The following PDE1A variants were observed in gnomAD, a reference collection of about 807,000 sequenced individuals.
The protein encoded by PDE1A is phosphodiesterase 1A, also known as dual specificity calcium/calmodulin-dependent 3',5'-cyclic nucleotide phosphodiesterase 1A.
PDE1A carries 35 observed loss-of-function variants against 61.7 expected under a neutral mutation model. The observed-to-expected ratio is 0.57, with a 90% confidence interval of 0.43 to 0.75. PDE1A has a LOEUF of 0.75. PDE1A is among the 30% of genes least tolerant of loss of function. PDE1A has a pLI of 0.00. For synonymous variants in PDE1A, 232 were observed against 213.2 expected (o/e 1.09, Z -0.77); for missense variants, 597 against 630.6 (o/e 0.95, Z 0.57).
chr2:182,488,234 A>G (rs1463719317), intron 2 of PDE1A, among the ~76,000 whole-genome samples: 1 of 152,246 alleles, frequency 6.6e-6, no homozygotes, highest in Non-Finnish European at 1.5e-5. Flanking sequence ...TGTCAATATT[A>G]AAATGTGATT....
chr2:182,488,363 T>C (rs1239477337), intron 2 of PDE1A, among the ~76,000 whole-genome samples: 1 of 152,200 alleles, frequency 6.6e-6, no homozygotes, highest in Admixed American at 6.5e-5. Flanking sequence ...ACCTTCTGAA[T>C]ACACTGACTC....
chr2:182,546,604 G>C, the PDE1A span, among the ~76,000 whole-genome samples: 1 of 152,168 alleles, frequency 6.6e-6, no homozygotes, highest in Non-Finnish European at 1.5e-5. Context: ...GTGAGGAGTG[G>C]TTCTCATCCA....
intron 13 of PDE1A, among the ~76,000 whole-genome samples, chr2:182,176,016 AG>A (rs1174010254): frequency 6.7e-6 from 1 of 148,468 alleles, no homozygotes; most frequent in Non-Finnish European, 1.5e-5. Flanking sequence ...GTTATTTCTG[AG>A]GGCTGTGTTC....
chr2:182,436,972 A>G (rs188191222), intron 2 of PDE1A, among the ~76,000 whole-genome samples: 1,571 of 152,078 alleles, frequency 0.01, 13 homozygotes, highest in Middle Eastern at 0.017. Context: ...ATTCTCTGAT[A>G]ATTTAAATTA....
intron 7 of PDE1A, among the ~76,000 whole-genome samples, chr2:182,218,275 C>G (rs12615015): frequency 0.72 from 78,232 of 109,122 alleles, 27,673 homozygotes; most frequent in East Asian, 0.9. Context: ...GTTGTGGGGT[C>G]GGGGGAGGGG....
chr2:182,586,742 A>G, the PDE1A span, among the ~76,000 whole-genome samples: 38 of 152,198 alleles, frequency 2.5e-4, no homozygotes, highest in Non-Finnish European at 5.1e-4. Flanking sequence ...GGCAAGATCA[A>G]TGGCCCCTAG....
chr2:182,429,903 G>A (rs370476861), upstream of PDE1A, among the ~76,000 whole-genome samples: 1 of 152,160 alleles, frequency 6.6e-6, no homozygotes, highest in African/African-American at 2.4e-5. Context: ...TGGGTCTGCA[G>A]GTTCTCAGTT....
chr2:182,662,770 G>T, the PDE1A span, among the ~76,000 whole-genome samples: 123 of 152,262 alleles, frequency 8.1e-4, no homozygotes, highest in African/African-American at 2.7e-3. Flanking sequence ...CATAGAAACA[G>T]TCAAAGATTT....
chr2:182,644,106 T>A, the PDE1A span, among the ~76,000 whole-genome samples: 10 of 142,902 alleles, frequency 7.0e-5, no homozygotes, highest in African/African-American at 2.3e-4. Context: ...AAGTCAGAGA[T>A]ACCTTCTCTC....
chr2:182,697,530 G>A, the PDE1A span, among the ~76,000 whole-genome samples: 1 of 152,208 alleles, frequency 6.6e-6, no homozygotes, highest in African/African-American at 2.4e-5. Flanking sequence ...TTTACAGAGA[G>A]GCCCCTCTCC....
the PDE1A span, among the ~76,000 whole-genome samples, chr2:182,574,681 G>GT: frequency 6.6e-5 from 10 of 151,650 alleles, no homozygotes; most frequent in African/African-American, 2.2e-4. Context: ...CACAGTCTAC[G>GT]TTTTTTTTGT....
intron 3 of PDE1A, among the ~76,000 whole-genome samples, chr2:182,235,621 T>C (rs1000822502): frequency 6.6e-6 from 1 of 152,208 alleles, no homozygotes; most frequent in Non-Finnish European, 1.5e-5. Flanking sequence ...GAAAGAAACA[T>C]GTTTCCTCCT....
chr2:182,670,161 C>T, the PDE1A span, among the ~76,000 whole-genome samples: 39 of 152,184 alleles, frequency 2.6e-4, no homozygotes, highest in African/African-American at 9.2e-4. Flanking sequence ...CCCCATGTCT[C>T]GTTTGCTGGC....
At chr2:182,529,866 C>T in the PDE1A span, among the ~76,000 whole-genome samples, 5 of 152,170 alleles carry the variant, frequency 3.3e-5, no homozygotes, top group African/African-American at 9.7e-5. Context: ...CCTCCCTAAC[C>T]ATGTGGAACT....
chr2:182,534,350 A>G, the PDE1A span, among the ~76,000 whole-genome samples: 1 of 151,984 alleles, frequency 6.6e-6, no homozygotes, highest in African/African-American at 2.4e-5. Flanking sequence ...ATTTCTTAAA[A>G]CAAATTTGCA....
intron 1 of PDE1A, among the ~76,000 whole-genome samples, chr2:182,332,467 G>A (rs745514974): frequency 1.3e-5 from 2 of 152,088 alleles, no homozygotes; most frequent in Non-Finnish European, 2.9e-5. Context: ...TTTTTGCACT[G>A]GTTTTTCCTC....
At chr2:182,324,516 G>T (rs1696920186) in intron 1 of PDE1A, among the ~76,000 whole-genome samples, 1 of 152,034 alleles carries the variant, frequency 6.6e-6, no homozygotes, top group Non-Finnish European at 1.5e-5. Context: ...GAAAATCAGA[G>T]ACCTTCTATG....
At position 182,418,539 on chromosome 2, in the gene PDE1A, A is replaced by G. The variant is rs538896254; in HGVS notation, c.53+8039T>C. Among the ~76,000 whole-genome samples the G allele has an allele frequency of 3.3e-5, 5 of 152,304 alleles. No individual in the cohort carries two copies. In the South Asian group the frequency reaches 1.0e-3, roughly 32 times the overall value. The stretch of plus-strand genomic sequence containing the variant: ...TTAGACCACTTAACAACATGAAATG[A>G]AGATCAAACTATGTGCTTTTTCTTC... On this transcript the variant is annotated intron_variant, in intron 1 of 13. Transcript: ENST00000351439.
At chr2:182,165,490 T>C (rs899606984), downstream of PDE1A, among the ~76,000 whole-genome samples, 1 of 152,114 alleles carries the variant, frequency 6.6e-6, no homozygotes, top group Admixed American at 6.6e-5. Context: ...ACAATGGAGA[T>C]AAAGAATAGT....
Sources: gnomAD v4.1 joint callset for allele counts (sites outside exome capture counted in the v4.1 genomes callset) on GRCh38, gnomAD v4.1.1 for gene constraint, MANE v1.5 for transcripts, NCBI Gene and HGNC (gene_info 2026-07-23, HGNC 2026-07-21) for gene names.